NEDD4L: variants seen among roughly 807,000 people sequenced by gnomAD.
NEDD4L encodes the protein NEDD4 like E3 ubiquitin protein ligase.
Under a neutral mutation model 148.9 loss-of-function variants are expected in NEDD4L, and 54 were observed. That is an observed-to-expected ratio of 0.36 (90% CI 0.29 to 0.45). NEDD4L has a LOEUF of 0.45. Ranked by LOEUF, NEDD4L falls within the 20% of genes least tolerant of loss-of-function variation. The pLI is 1.00. For synonymous variants in NEDD4L, 433 were observed against 440.7 expected (o/e 0.98, Z 0.22); for missense variants, 856 against 1,233.8 (o/e 0.69, Z 4.59).
chr18:58,074,561 G>C (rs1356187382), intron 1 of NEDD4L, among the ~76,000 whole-genome samples: 1 of 151,058 alleles, frequency 6.6e-6, no homozygotes, highest in Non-Finnish European at 1.5e-5. Context: ...GCGTGAGGCA[G>C]TGTGTCTGGC....
At chr18:58,183,825 C>G (rs1029780898) in intron 2 of NEDD4L, among the ~76,000 whole-genome samples, 1 of 152,200 alleles carries the variant, frequency 6.6e-6, no homozygotes, top group African/African-American at 2.4e-5. Context: ...TGTTTAACTT[C>G]TACCCTCTTT....
chr18:58,370,520 A>T, intron 23 of NEDD4L, 53 bp downstream of exon 23: 1 of 1,195,938 alleles, frequency 8.4e-7, no homozygotes, highest in East Asian at 2.3e-5. Context: ...GTGTCTTATG[A>T]GAAGGTATTG....
intron 2 of NEDD4L, among the ~76,000 whole-genome samples, chr18:58,232,677 A>T (rs913444876): frequency 3.9e-5 from 6 of 152,184 alleles, no homozygotes; most frequent in South Asian, 2.1e-4. Flanking sequence ...TCTTTCTGTG[A>T]TCACACAATT....
intron 1 of NEDD4L, among the ~76,000 whole-genome samples, chr18:58,092,143 T>G (rs2084109313): frequency 6.6e-6 from 1 of 152,232 alleles, no homozygotes; most frequent in Non-Finnish European, 1.5e-5. Flanking sequence ...GGGGCAGAAG[T>G]CAGGGCAGGC....
At chr18:58,135,018 A>G (rs561082776) in intron 1 of NEDD4L, among the ~76,000 whole-genome samples, 1 of 152,178 alleles carries the variant, frequency 6.6e-6, no homozygotes, top group African/African-American at 2.4e-5. Flanking sequence ...GAGTTTCTAT[A>G]ATTGGACTAT....
At chr18:58,161,174 G>C (rs2036159749) in intron 1 of NEDD4L, among the ~76,000 whole-genome samples, 1 of 152,076 alleles carries the variant, frequency 6.6e-6, no homozygotes, top group South Asian at 2.1e-4. Flanking sequence ...GGGACTACTG[G>C]CATGCATCAG....
At chr18:58,248,574 T>C (rs533116204) in intron 3 of NEDD4L, among the ~76,000 whole-genome samples, 1 of 152,350 alleles carries the variant, frequency 6.6e-6, no homozygotes, top group African/African-American at 2.4e-5. Flanking sequence ...AAAGTTCATT[T>C]CCTTCTTGGT....
chr18:58,252,068 T>C lies in NEDD4L; in HGVS notation c.297+14T>C. 1.9e-6 allele frequency: 3 copies of C among 1,559,396 alleles called. No individual in the cohort carries two copies. The highest frequency in any genetic ancestry group is 2.7e-6 in the Non-Finnish European group (3 of 1,130,406). ...GAAAATAGACTGGTAAGTGGATGCC[T>C]GTATTTGAATTTTGCTTCATTTTTT... On this transcript the variant is annotated intron_variant, in intron 5 of 30. Coordinates refer to ENST00000400345, the MANE Select transcript of NEDD4L (RefSeq NM_001144967.3).
At chr18:58,309,206 G>T (rs547332369) in intron 5 of NEDD4L, among the ~76,000 whole-genome samples, 1 of 152,122 alleles carries the variant, frequency 6.6e-6, no homozygotes, top group African/African-American at 2.4e-5. Flanking sequence ...ACGGGGCCAC[G>T]CCTCATCAGT....
At chr18:58,286,488 T>G (rs1189068929) in intron 5 of NEDD4L, among the ~76,000 whole-genome samples, 2 of 152,216 alleles carry the variant, frequency 1.3e-5, no homozygotes, top group Non-Finnish European at 2.9e-5. Context: ...CATAAGCGTC[T>G]GTATTAATGG....
At chr18:58,319,524 C>G (rs1464439274) in intron 6 of NEDD4L, among the ~76,000 whole-genome samples, 1 of 152,150 alleles carries the variant, frequency 6.6e-6, no homozygotes, top group Non-Finnish European at 1.5e-5. Flanking sequence ...TGCTTTTACC[C>G]TGGAACGGGG....
rs180927916 is a variant in NEDD4L at position 58,341,965 on chromosome 18, C to T, written c.1377+168C>T. Among the ~76,000 whole-genome samples, 8 of 152,340 alleles carry T rather than the reference C, an allele frequency of 5.3e-5. No individual in the cohort carries two copies. The East Asian group carries it at 9.6e-4, about 18-fold the overall frequency. ...AGCCTTTCTACCTGCTTCTCTGTCT[C>T]GCCCAGTTAACATTCCTGGACTCTC... On this transcript the variant is annotated intron_variant, in intron 15 of 30. Coordinates refer to ENST00000400345, the MANE Select transcript of NEDD4L (RefSeq NM_001144967.3).
intron 18 of NEDD4L, among the ~76,000 whole-genome samples, chr18:58,352,789 A>G (rs528709860): frequency 6.6e-6 from 1 of 152,364 alleles, no homozygotes; most frequent in South Asian, 2.1e-4. Flanking sequence ...TCTGTGACGC[A>G]TGGAGAGCAT....
chr18:58,332,955 C>A (rs575564432), intron 11 of NEDD4L, among the ~76,000 whole-genome samples: 2 of 152,070 alleles, frequency 1.3e-5, no homozygotes, highest in Non-Finnish European at 1.5e-5. Context: ...TTTAATCATT[C>A]CTGTCTTTAC....
At chr18:58,261,583 A>G (rs1369127928) in intron 5 of NEDD4L, among the ~76,000 whole-genome samples, 2 of 152,348 alleles carry the variant, frequency 1.3e-5, no homozygotes, top group African/African-American at 4.8e-5. Flanking sequence ...ATTTTATAAT[A>G]CATACTGATA....
chr18:58,294,406 A>ATTT (rs2055236281), intron 5 of NEDD4L, among the ~76,000 whole-genome samples: 1 of 152,214 alleles, frequency 6.6e-6, no homozygotes, highest in Non-Finnish European at 1.5e-5. Context: ...CTCTAAATTC[A>ATTT]GTATTTTATT....
At chr18:58,066,595 A>G (rs927697434) in intron 1 of NEDD4L, among the ~76,000 whole-genome samples, 1 of 151,988 alleles carries the variant, frequency 6.6e-6, no homozygotes, top group African/African-American at 2.4e-5. Flanking sequence ...TAGGATTACA[A>G]GCATGAGCCA....
Position 58,256,784 on chromosome 18 carries a change from C to T in NEDD4L, c.297+4730C>T, listed in dbSNP as rs1489846032. 8.1e-7 allele frequency: 1 copy of T among 1,231,826 alleles called. No individual in the cohort carries two copies. Among genetic ancestry groups the T allele is most frequent in the East Asian group, 3.2e-5 (1 of 31,708 alleles). 76.3% of individuals were successfully genotyped at this position (1,231,826 alleles called of 1,614,324 possible). A position where few individuals can be genotyped will look rare whatever the true frequency, so the allele number is the denominator to read the frequency against. On this transcript the variant is annotated intron_variant, in intron 5 of 30. Transcript: ENST00000400345. This position sits in a 1 kb window ranked among gnomAD's most constrained non-coding sequence, Gnocchi z 5.2. ...GGGAGCTGACACCACGGTAAGTTCA[C>T]AGCGTGTTTACATGTGTTTACTGAT...
intron 3 of NEDD4L, 61 bp from the exon 4 acceptor site, chr18:58,248,838 G>A: frequency 1.2e-6 from 1 of 844,178 alleles, no homozygotes. Flanking sequence ...AGACTGTATT[G>A]TACTAGTAAC....
Sources: gnomAD v4.1 joint callset for allele counts (sites outside exome capture counted in the v4.1 genomes callset) on GRCh38, gnomAD v4.1.1 for gene constraint, Gnocchi (gnomAD v3.1) non-coding constraint, MANE v1.5 for transcripts, NCBI Gene and HGNC (gene_info 2026-07-23, HGNC 2026-07-21) for gene names.